The following PTPRD variants were observed in gnomAD, a reference collection of about 807,000 sequenced individuals.
PTPRD encodes receptor-type tyrosine-protein phosphatase delta.
In PTPRD, 34 loss-of-function variants were observed where a neutral mutation model predicts 214.5. The observed-to-expected ratio is 0.16, with a 90% confidence interval of 0.12 to 0.21. PTPRD has a LOEUF of 0.21. Ranked by LOEUF, PTPRD falls within the 10% of genes least tolerant of loss-of-function variation. The pLI is 1.00. For missense variants in PTPRD, 2,545 were observed against 2,398.7 expected, an observed-to-expected ratio of 1.06 and a Z score of -1.27; for synonymous variants, 1,128 against 845.7, an observed-to-expected ratio of 1.33 and a Z score of -5.79.
intron 5 of PTPRD, among the ~76,000 whole-genome samples, chr9:9,829,156 A>T (rs1335037708): frequency 1.3e-5 from 2 of 151,952 alleles, no homozygotes; most frequent in East Asian, 1.9e-4. Context: ...TACGTAGAAC[A>T]TTGTATTAAA....
intron 9 of PTPRD, among the ~76,000 whole-genome samples, chr9:9,383,275 A>G (rs2062874161): frequency 6.6e-6 from 1 of 152,092 alleles, no homozygotes; most frequent in Non-Finnish European, 1.5e-5. Context: ...CATACTATCC[A>G]ATGAACCAAT....
At chr9:10,180,157 AT>A (rs1299158590) in intron 3 of PTPRD, among the ~76,000 whole-genome samples, 1 of 152,128 alleles carries the variant, frequency 6.6e-6, no homozygotes, top group Non-Finnish European at 1.5e-5. Flanking sequence ...TTTAAAACAT[AT>A]GTTTAAAAAA....
intron 9 of PTPRD, among the ~76,000 whole-genome samples, chr9:9,354,697 A>C (rs2053006201): frequency 1.3e-5 from 2 of 151,794 alleles, no homozygotes; most frequent in South Asian, 4.2e-4. Flanking sequence ...AATGATAGTA[A>C]AGGTATCAGG....
At chr9:8,736,920 C>T (rs1433480697) in intron 11 of PTPRD, among the ~76,000 whole-genome samples, 2 of 152,206 alleles carry the variant, frequency 1.3e-5, no homozygotes, top group Admixed American at 1.3e-4. Flanking sequence ...CCCCATTCCC[C>T]TCCTCCCGCT....
At chr9:8,344,887 C>T (rs996200238) in intron 39 of PTPRD, among the ~76,000 whole-genome samples, 1 of 148,006 alleles carries the variant, frequency 6.8e-6, no homozygotes, top group Non-Finnish European at 1.5e-5. Context: ...AGTCTTAAGG[C>T]TAAATTAAAA....
intron 10 of PTPRD, among the ~76,000 whole-genome samples, chr9:9,073,617 T>G (rs549272688): frequency 6.6e-6 from 1 of 152,306 alleles, no homozygotes; most frequent in South Asian, 2.1e-4. Context: ...AACATAGAAA[T>G]TCTACCTTAG....
At chr9:8,655,866 G>A (rs1409739147) in intron 12 of PTPRD, among the ~76,000 whole-genome samples, 1 of 151,502 alleles carries the variant, frequency 6.6e-6, no homozygotes, top group Admixed American at 6.6e-5. Flanking sequence ...AATAGACAGT[G>A]CTATCCAAGA....
At chr9:8,933,024 T>G (rs1451725558) in intron 11 of PTPRD, among the ~76,000 whole-genome samples, 1 of 152,108 alleles carries the variant, frequency 6.6e-6, no homozygotes, top group Non-Finnish European at 1.5e-5. Context: ...TCTCCTGGTC[T>G]ACAGGTTGCG....
At chr9:9,273,681 C>T (rs10977627) in intron 9 of PTPRD, among the ~76,000 whole-genome samples, 6,762 of 151,184 alleles carry the variant, frequency 0.045, 226 homozygotes, top group African/African-American at 0.088. Context: ...TAAAAAGTTT[C>T]CATATGACCC....
intron 10 of PTPRD, among the ~76,000 whole-genome samples, chr9:9,090,580 T>C (rs1453250922): frequency 6.6e-6 from 1 of 152,198 alleles, no homozygotes; most frequent in Non-Finnish European, 1.5e-5. Context: ...TCAGTGGCCA[T>C]TATTGCAATT....
At chr9:9,970,839 G>T (rs1206122524) in intron 4 of PTPRD, among the ~76,000 whole-genome samples, 1 of 152,016 alleles carries the variant, frequency 6.6e-6, no homozygotes, top group Non-Finnish European at 1.5e-5. Context: ...AAATAAACCT[G>T]GAATGTCACA....
Position 9,936,774 on chromosome 9 carries a change from C to A in PTPRD, c.-368+1733G>T, listed in dbSNP as rs371542446. 3.8e-3 allele frequency among the ~76,000 whole-genome samples: 513 copies of A among 136,032 alleles called. 2 individuals carry two copies. Among genetic ancestry groups the A allele is most frequent in the Middle Eastern group, 0.015 (4 of 274 alleles). 89.2% of individuals were successfully genotyped at this position (136,032 alleles called of 152,430 possible). A position where few individuals can be genotyped will look rare whatever the true frequency, so the allele number is the denominator to read the frequency against. On this transcript the variant is annotated intron_variant, in intron 5 of 45. Coordinates refer to ENST00000381196, the MANE Select transcript of PTPRD (RefSeq NM_002839.4). ...CATGCTGCTATAAAGACACATGCAC[C>A]CGTATGTTTATTGCGGCATTATTCA...
chr9:9,838,093 T>G (rs1000487150), intron 5 of PTPRD, among the ~76,000 whole-genome samples: 1 of 152,208 alleles, frequency 6.6e-6, no homozygotes, highest in Non-Finnish European at 1.5e-5. Context: ...ACAAAGGACA[T>G]GAACTCATCA....
chr9:8,662,083 T>G (rs1055044754), intron 12 of PTPRD, among the ~76,000 whole-genome samples: 1 of 152,172 alleles, frequency 6.6e-6, no homozygotes, highest in African/African-American at 2.4e-5. Context: ...GAGCCAACTT[T>G]TTTTTGTTTT....
intron 7 of PTPRD, among the ~76,000 whole-genome samples, chr9:9,653,781 G>A (rs1018812238): frequency 1.3e-5 from 2 of 152,136 alleles, no homozygotes; most frequent in African/African-American, 4.8e-5. Flanking sequence ...TTCCTCTAAA[G>A]GGATTTGGCT....
At chr9:8,719,801 G>A (rs910044886) in intron 12 of PTPRD, among the ~76,000 whole-genome samples, 4 of 151,694 alleles carry the variant, frequency 2.6e-5, no homozygotes, top group East Asian at 1.9e-4. Flanking sequence ...AAATGTTAGC[G>A]CCAAGTAGGG....
intron 12 of PTPRD, among the ~76,000 whole-genome samples, chr9:8,687,258 C>T (rs971792868): frequency 2.6e-5 from 4 of 152,096 alleles, no homozygotes; most frequent in African/African-American, 9.7e-5. Flanking sequence ...GGTTTCAAAG[C>T]GCTTTCTTTC....
intron 2 of PTPRD, among the ~76,000 whole-genome samples, chr9:10,462,568 A>T (rs562058899): frequency 6.6e-6 from 1 of 151,930 alleles, no homozygotes; most frequent in Non-Finnish European, 1.5e-5. Flanking sequence ...CATAAGAAAA[A>T]CTATCTTGGG....
At chr9:9,114,352 C>A (rs963527238) in intron 10 of PTPRD, among the ~76,000 whole-genome samples, 2 of 152,052 alleles carry the variant, frequency 1.3e-5, no homozygotes, top group Admixed American at 6.6e-5. Flanking sequence ...TGATAAGAAT[C>A]GTTTTTAGAG....
Sources: gnomAD v4.1 joint callset for allele counts (sites outside exome capture counted in the v4.1 genomes callset) on GRCh38, gnomAD v4.1.1 for gene constraint, MANE v1.5 for transcripts, NCBI Gene and HGNC (gene_info 2026-07-23, HGNC 2026-07-21) for gene names.